Variants in CALCR observed in about 807,000 individuals in gnomAD.
CALCR encodes calcitonin receptor.
CALCR carries 47 observed loss-of-function variants against 59.5 expected under a neutral mutation model. That is an observed-to-expected ratio of 0.79 (90% CI 0.63 to 1.01). The LOEUF is 1.01. Among genes scored for constraint, CALCR ranks in the 50% least tolerant of loss-of-function variants. The pLI, the probability that CALCR is intolerant of heterozygous loss-of-function variation, is 0.00. For missense variants in CALCR, 566 were observed against 597.1 expected (o/e 0.95, Z 0.54); for synonymous variants, 213 against 211.3 (o/e 1.01, Z -0.07).
At chr7:93,482,858 A>T (rs1224875222) in intron 3 of CALCR, 1 of 533,320 alleles carries the variant, frequency 1.9e-6, no homozygotes, top group Non-Finnish European at 3.9e-6. Flanking sequence ...GGAATGAAAA[A>T]TTAGAACCTC....
chr7:93,482,408 T>C (rs1278218904), intron 3 of CALCR, among the ~76,000 whole-genome samples: 1 of 151,872 alleles, frequency 6.6e-6, no homozygotes, highest in Admixed American at 6.6e-5. Context: ...TCTCACCATC[T>C]TCAAATCGAA....
chr7:93,546,249 T>C (rs1789282821), intron 2 of CALCR, among the ~76,000 whole-genome samples: 1 of 152,144 alleles, frequency 6.6e-6, no homozygotes, highest in South Asian at 2.1e-4. Context: ...ACACCTGTTG[T>C]CCTGATATAA....
At chr7:93,496,178 G>C (rs572037396) in intron 2 of CALCR, among the ~76,000 whole-genome samples, 1 of 151,432 alleles carries the variant, frequency 6.6e-6, no homozygotes, top group Non-Finnish European at 1.5e-5. Flanking sequence ...TAGAAGAGCA[G>C]CAATCCCATG....
chr7:93,500,528 G>A (rs1268575559), intron 2 of CALCR, among the ~76,000 whole-genome samples: 2 of 151,802 alleles, frequency 1.3e-5, no homozygotes, highest in African/African-American at 2.4e-5. Context: ...ACCAGTCTGG[G>A]GTTCTTAATT....
At chr7:93,454,059 G>C (rs1019610202) in intron 8 of CALCR, among the ~76,000 whole-genome samples, 1 of 151,876 alleles carries the variant, frequency 6.6e-6, no homozygotes, top group Non-Finnish European at 1.5e-5. Flanking sequence ...TACTGAAATA[G>C]ATCATTTCAA....
chr7:93,468,759 T>G lies in CALCR; in HGVS notation c.477A>C (p.Ser159=). Residue 159 remains serine (S), a synonymous_variant, in exon 7 of 14, where the codon TCA becomes TCC. Transcript: ENST00000426151. ...YYLAIVGHSL[S]IFTLVISLGI... The stretch of plus-strand genomic sequence containing the variant: ...CCAGGGAAATCACTAGGGTGAAAAT[T>G]GACAAAGAATGACCCACAATAGCCA... 6.2e-7 allele frequency: 1 copy of G among 1,610,900 alleles called. No individual in the cohort carries two copies. Among genetic ancestry groups the G allele is most frequent in the South Asian group, 1.1e-5 (1 of 90,914 alleles).
chr7:93,540,443 A>G (rs1463936276), intron 2 of CALCR, among the ~76,000 whole-genome samples: 5 of 152,284 alleles, frequency 3.3e-5, no homozygotes, highest in Middle Eastern at 3.4e-3. Context: ...TAAAATGTTT[A>G]CATTTATTTA....
chr7:93,568,365 A>G (rs899102609), intron 2 of CALCR, among the ~76,000 whole-genome samples: 4 of 152,080 alleles, frequency 2.6e-5, no homozygotes, highest in Admixed American at 1.3e-4. Context: ...TTTCACATTT[A>G]TTTCTCAACC....
chr7:93,439,899 G>A (rs1799864384), intron 9 of CALCR, among the ~76,000 whole-genome samples: 1 of 152,128 alleles, frequency 6.6e-6, no homozygotes, highest in Non-Finnish European at 1.5e-5. Context: ...TTCAATTGGA[G>A]AGAAATCGAC....
At chr7:93,562,023 A>G (rs1458967461) in intron 2 of CALCR, among the ~76,000 whole-genome samples, 1 of 152,096 alleles carries the variant, frequency 6.6e-6, no homozygotes, top group Non-Finnish European at 1.5e-5. Flanking sequence ...AAATCATGTA[A>G]GTCTCATAAT....
intron 2 of CALCR, among the ~76,000 whole-genome samples, chr7:93,548,655 A>T (rs1789361177): frequency 6.9e-6 from 1 of 144,324 alleles, no homozygotes; most frequent in Non-Finnish European, 1.6e-5. Context: ...TGAACTAGTT[A>T]AAATAAAGAA....
intron 2 of CALCR, among the ~76,000 whole-genome samples, chr7:93,509,735 C>T (rs1284357376): frequency 6.6e-6 from 1 of 152,114 alleles, no homozygotes; most frequent in African/African-American, 2.4e-5. Context: ...CATTTGTAGA[C>T]TGTGTCCCTG....
chr7:93,480,532 T>C (rs1018552968), intron 3 of CALCR, among the ~76,000 whole-genome samples: 1 of 151,846 alleles, frequency 6.6e-6, no homozygotes, highest in African/African-American at 2.4e-5. Flanking sequence ...GCAGAAGTGG[T>C]GTTATGTACT....
chr7:93,557,620 T>G (rs1347523845), intron 2 of CALCR, among the ~76,000 whole-genome samples: 4 of 152,002 alleles, frequency 2.6e-5, no homozygotes, highest in African/African-American at 9.7e-5. Flanking sequence ...TCAAGTCTCA[T>G]TCTCTCTTTA....
chr7:93,511,043 T>C (rs1372197003), intron 2 of CALCR, among the ~76,000 whole-genome samples: 4 of 151,860 alleles, frequency 2.6e-5, no homozygotes, highest in Admixed American at 6.6e-5. Flanking sequence ...GAAAGAGAAG[T>C]GTAAAAACAT....
chr7:93,441,247 C>G (rs1799896590), intron 9 of CALCR, among the ~76,000 whole-genome samples: 1 of 151,936 alleles, frequency 6.6e-6, no homozygotes, highest in African/African-American at 2.4e-5. Context: ...TTTGAACAAT[C>G]AAAACTGGTA....
intron 5 of CALCR, 102 bp downstream of exon 5, chr7:93,477,456 G>T: frequency 1.5e-6 from 1 of 682,134 alleles, no homozygotes; most frequent in Non-Finnish European, 2.5e-6. Context: ...AAAATGTGGA[G>T]TATGATTAGG....
In CALCR at chr7:93,443,585, A is replaced by C; in HGVS notation, c.802+19T>G. 1 of 1,609,846 alleles carries C rather than the reference A, an allele frequency of 6.2e-7. No individual in the cohort carries two copies. The highest frequency in any genetic ancestry group is 2.2e-5 in the East Asian group (1 of 44,824). Reference sequence around the variant, plus strand: ...CAGAGGTGAAAGTGACTCAAAACTTAGCTGCAGAAAATACATACCCCAGCC... The same window carrying C: ...CAGAGGTGAAAGTGACTCAAAACTTCGCTGCAGAAAATACATACCCCAGCC... On this transcript the variant is annotated intron_variant, in intron 9 of 13. Transcript: ENST00000426151.
chr7:93,434,189 C>A (rs1221963564), intron 13 of CALCR, 64 bp downstream of exon 13: 1 of 1,088,342 alleles, frequency 9.2e-7, no homozygotes, highest in Non-Finnish European at 1.4e-6. Context: ...TGTACAGAGG[C>A]CCTTTGGAAA....
Sources: gnomAD v4.1 joint callset for allele counts (sites outside exome capture counted in the v4.1 genomes callset) on GRCh38, gnomAD v4.1.1 for gene constraint, MANE v1.5 for transcripts, NCBI Gene and HGNC (gene_info 2026-07-23, HGNC 2026-07-21) for gene names.